The following TENM1 variants were observed in gnomAD, a reference collection of about 807,000 sequenced individuals.
TENM1 encodes teneurin transmembrane protein 1.
Under a neutral mutation model 174.8 loss-of-function variants are expected in TENM1, and 35 were observed. The observed-to-expected ratio is 0.20, with a 90% CI of 0.15 to 0.27. TENM1 has a LOEUF of 0.27. Ranked by LOEUF, TENM1 falls within the 10% of genes least tolerant of loss-of-function variation. The probability of loss-of-function intolerance (pLI) is 1.00; values close to 1 mark genes in which losing one functional copy is unlikely to be tolerated. For synonymous variants in TENM1, 781 were observed against 798.7 expected (o/e 0.98, Z 0.37); for missense variants, 1,633 against 2,130.1 (o/e 0.77, Z 4.59).
chrX:124,934,603 T>C lies in TENM1; in HGVS notation c.217+28934A>G, dbSNP rs746394422. ...TATGGCTTGTGAGGAACTGCATTTC[T>C]TAGCGTGTTAGAAACAACGGTGGCA... On this transcript the variant is annotated intron_variant, in intron 1 of 31. Coordinates refer to ENST00000422452, the Ensembl canonical transcript of TENM1. 2.7e-5 allele frequency among the ~76,000 whole-genome samples: 3 copies of C among 112,022 alleles called. No individual in the cohort carries two copies. In the East Asian group the frequency reaches 8.4e-4, roughly 31 times the overall value.
intron 23 of TENM1, among the ~76,000 whole-genome samples, chrX:124,434,987 C>T (rs2060821233): frequency 9.0e-6 from 1 of 111,554 alleles, no homozygotes; most frequent in African/African-American, 3.3e-5. Flanking sequence ...CATTAAATAT[C>T]TACTGTATAT....
chrX:124,710,793 C>G (rs1231000682), intron 4 of TENM1, among the ~76,000 whole-genome samples: 3 of 112,254 alleles, frequency 2.7e-5, no homozygotes, highest in African/African-American at 9.7e-5. Context: ...TGAAAGTGAT[C>G]TGTACTTTGT....
chrX:124,456,910 A>G (rs1387414432), intron 22 of TENM1, among the ~76,000 whole-genome samples: 1 of 112,279 alleles, frequency 8.9e-6, no homozygotes, highest in Non-Finnish European at 1.9e-5. Context: ...ATTAGCACTT[A>G]AACAATCAAA....
chrX:124,841,615 A>G (rs934438328), intron 3 of TENM1, among the ~76,000 whole-genome samples: 1 of 101,672 alleles, frequency 9.8e-6, no homozygotes, highest in Non-Finnish European at 2.0e-5. Context: ...TCTTTCTGTG[A>G]ATGATTAAAA....
intron 4 of TENM1, among the ~76,000 whole-genome samples, chrX:124,708,927 C>T (rs1251596854): frequency 9.0e-6 from 1 of 111,018 alleles, no homozygotes; most frequent in East Asian, 2.8e-4. Flanking sequence ...TTTAAGTTAA[C>T]GTGATTTATT....
intron 11 of TENM1, among the ~76,000 whole-genome samples, chrX:124,588,613 A>C (rs760327142): frequency 9.0e-6 from 1 of 110,646 alleles, no homozygotes; most frequent in Non-Finnish European, 1.9e-5. Context: ...TAATGGGTGC[A>C]GCACACCAGC....
At chrX:124,888,056 T>C (rs1202222902) in intron 3 of TENM1, among the ~76,000 whole-genome samples, 1 of 111,892 alleles carries the variant, frequency 8.9e-6, no homozygotes, top group Non-Finnish European at 1.9e-5. Flanking sequence ...CATTTGGGTA[T>C]AACTATTACA....
upstream of TENM1, among the ~76,000 whole-genome samples, chrX:124,967,475 G>A (rs2058740922): frequency 2.7e-5 from 3 of 111,298 alleles, no homozygotes; most frequent in Middle Eastern, 9.2e-3. Flanking sequence ...ATGGAACGCC[G>A]ATGATTCATA....
At chrX:124,968,319 T>TGCC (rs2058751391), upstream of TENM1, among the ~76,000 whole-genome samples, 2 of 112,269 alleles carry the variant, frequency 1.8e-5, no homozygotes, top group Non-Finnish European at 3.8e-5. Context: ...CTAATCTTAA[T>TGCC]GCCACTCAAA....
chrX:124,417,217 CT>C (rs888919967), intron 25 of TENM1, among the ~76,000 whole-genome samples: 46 of 109,237 alleles, frequency 4.2e-4, no homozygotes, highest in Admixed American at 3.7e-3. Context: ...TCTTCTCTTT[CT>C]TTTTTTTTGA....
chrX:124,562,171 T>C (rs750624935), intron 13 of TENM1, among the ~76,000 whole-genome samples: 28 of 111,905 alleles, frequency 2.5e-4, no homozygotes, highest in African/African-American at 8.4e-4. Flanking sequence ...CTGTATCTAG[T>C]TATGGCCAAT....
the TENM1 span, among the ~76,000 whole-genome samples, chrX:125,029,064 T>C: frequency 9.0e-6 from 1 of 111,532 alleles, no homozygotes; most frequent in African/African-American, 3.3e-5. Flanking sequence ...TTTTCTTCAG[T>C]TTAGGAACTA....
At position 124,484,720 on chromosome X, in the gene TENM1, C is replaced by T. The variant is rs191914222; in HGVS notation, c.3716+2489G>A. The stretch of plus-strand genomic sequence containing the variant: ...TTCTGGCACTACCAGATGCTCTGGG[C>T]TCATCTGCTATACCCCCTGCCCCAA... On this transcript the variant is annotated intron_variant, in intron 21 of 31. Coordinates refer to ENST00000422452, the Ensembl canonical transcript of TENM1. Among the ~76,000 whole-genome samples, 6 of 110,733 alleles carry T rather than the reference C, an allele frequency of 5.4e-5. No individual in the cohort carries two copies. In the East Asian group the frequency reaches 1.7e-3, roughly 32 times the overall value.
chrX:124,666,027 T>C (rs1323251256), intron 6 of TENM1, among the ~76,000 whole-genome samples: 1 of 111,911 alleles, frequency 8.9e-6, no homozygotes, highest in Non-Finnish European at 1.9e-5. Flanking sequence ...TGGTCTTGGC[T>C]AAAGCATCTT....
At chrX:124,902,903 T>A (rs899204380) in intron 1 of TENM1, among the ~76,000 whole-genome samples, 14 of 112,481 alleles carry the variant, frequency 1.2e-4, no homozygotes, top group African/African-American at 4.5e-4. Context: ...CAGGACCTTG[T>A]CATGTCCTTT....
chrX:124,914,153 C>T (rs1197039894), intron 1 of TENM1, among the ~76,000 whole-genome samples: 1 of 111,959 alleles, frequency 8.9e-6, no homozygotes, highest in Non-Finnish European at 1.9e-5. Flanking sequence ...GCATTCACTT[C>T]GTTACAGGTA....
intron 22 of TENM1, among the ~76,000 whole-genome samples, chrX:124,472,910 C>G (rs150214658): frequency 2.1e-3 from 238 of 111,569 alleles, no homozygotes; most frequent in African/African-American, 7.4e-3. Flanking sequence ...TGATGGTGGA[C>G]TAATATGGAG....
At chrX:125,083,264 A>G in the TENM1 span, among the ~76,000 whole-genome samples, 1 of 111,637 alleles carries the variant, frequency 9.0e-6, no homozygotes, top group African/African-American at 3.2e-5. Context: ...TTCCTATTGA[A>G]TAAATGCATC....
intron 3 of TENM1, among the ~76,000 whole-genome samples, chrX:124,844,393 A>G (rs1323376682): frequency 8.9e-6 from 1 of 111,826 alleles, no homozygotes; most frequent in East Asian, 2.8e-4. Flanking sequence ...TGCATGGGCT[A>G]CAGTCTAGAG....
Sources: gnomAD v4.1 joint callset for allele counts (sites outside exome capture counted in the v4.1 genomes callset) on GRCh38, gnomAD v4.1.1 for gene constraint, MANE v1.5 for transcripts, NCBI Gene and HGNC (gene_info 2026-07-23, HGNC 2026-07-21) for gene names.